The following SLC30A8 variants were observed in gnomAD, a reference collection of about 807,000 sequenced individuals.
SLC30A8 encodes the protein solute carrier family 30 member 8.
Under a neutral mutation model 36.9 loss-of-function variants are expected in SLC30A8, and 27 were observed. That is an observed-to-expected ratio of 0.73 (90% CI 0.54 to 1.01). The LOEUF (loss-of-function observed/expected upper bound fraction) is 1.01. Ranked by LOEUF, SLC30A8 falls within the 50% of genes least tolerant of loss-of-function variation. The pLI is 0.00. For missense variants in SLC30A8, 439 were observed against 452.0 expected (o/e 0.97, Z 0.26); for synonymous variants, 164 against 172.4 (o/e 0.95, Z 0.38).
chr8:116,965,240 TA>T (rs1336381635), intron 1 of SLC30A8, among the ~76,000 whole-genome samples: 2 of 152,110 alleles, frequency 1.3e-5, no homozygotes, highest in African/African-American at 2.4e-5. Flanking sequence ...GCCTGGCTGG[TA>T]GTACTTTTAT....
rs927975284 is a variant in SLC30A8 at position 116,972,114 on chromosome 8, C to T, written c.-266+20995C>T. 3.9e-5 allele frequency among the ~76,000 whole-genome samples: 6 copies of T among 152,292 alleles called. No homozygotes were observed. The South Asian group carries it at 1.2e-3, about 32-fold the overall frequency. On this transcript the variant is annotated intron_variant, in intron 1 of 10. Transcript: ENST00000427715. ...GTGGAAAAGAACCAGTTATGTAATA[C>T]CTTTGTTCAAAAATTTTTATTTTCT...
intron 1 of SLC30A8, among the ~76,000 whole-genome samples, chr8:117,022,085 A>G (rs951834251): frequency 9.2e-5 from 14 of 152,040 alleles, no homozygotes; most frequent in Admixed American, 9.2e-4. Flanking sequence ...CTGTAGTCCC[A>G]GCTACTCGGG....
chr8:116,997,919 GAA>G (rs1414290544), intron 1 of SLC30A8, among the ~76,000 whole-genome samples: 6 of 152,158 alleles, frequency 3.9e-5, no homozygotes, highest in African/African-American at 1.4e-4. Flanking sequence ...CAGGCACATG[GAA>G]ACAAAGCTAC....
chr8:117,042,901 C>T lies in SLC30A8; in HGVS notation c.-226+3643C>T, dbSNP rs192550689. On this transcript the variant is annotated intron_variant, in intron 2 of 10. Coordinates refer to the SLC30A8 transcript ENST00000427715. ...ATGTTGGGCAGGCCGGTCTCGAACT[C>T]CTGACCTCAGGTGATCCGCTGGCCT... 2.3e-4 allele frequency among the ~76,000 whole-genome samples: 35 copies of T among 152,324 alleles called. No homozygotes were observed. The East Asian group carries it at 6.8e-3, about 29-fold the overall frequency.
chr8:117,091,614 G>A (rs1001085652), intron 2 of SLC30A8, among the ~76,000 whole-genome samples: 18 of 152,118 alleles, frequency 1.2e-4, no homozygotes, highest in Admixed American at 6.5e-5. Context: ...CAATGGTCAG[G>A]ATCTTTGTTT....
chr8:117,004,291 A>G, intron 1 of SLC30A8, among the ~76,000 whole-genome samples: 1 of 152,260 alleles, frequency 6.6e-6, no homozygotes, highest in East Asian at 1.9e-4. Flanking sequence ...ATTGTAGAAT[A>G]AAGTTAGCCA....
intron 1 of SLC30A8, among the ~76,000 whole-genome samples, chr8:116,993,430 G>A (rs1200669528): frequency 6.6e-6 from 1 of 151,970 alleles, no homozygotes; most frequent in Non-Finnish European, 1.5e-5. Context: ...AGAAAACTGA[G>A]TTCACAGTGT....
At chr8:117,006,772 A>ATTTTT (rs71305456) in intron 1 of SLC30A8, among the ~76,000 whole-genome samples, 4 of 78,922 alleles carry the variant, frequency 5.1e-5, no homozygotes, top group African/African-American at 1.4e-4. Flanking sequence ...GAGTCAGGTA[A>ATTTTT]TTTTTTTTTT....
At chr8:117,082,519 A>G (rs182190599) in intron 2 of SLC30A8, among the ~76,000 whole-genome samples, 1 of 152,292 alleles carries the variant, frequency 6.6e-6, no homozygotes, top group East Asian at 1.9e-4. Flanking sequence ...GTGGTTAGAG[A>G]GAACAGTCTA....
At chr8:117,145,019 C>T (rs1406062714) in intron 1 of SLC30A8, among the ~76,000 whole-genome samples, 1 of 152,060 alleles carries the variant, frequency 6.6e-6, no homozygotes, top group Non-Finnish European at 1.5e-5. Flanking sequence ...AAAAGAAATA[C>T]ATAGTTTGAT....
intron 1 of SLC30A8, among the ~76,000 whole-genome samples, chr8:116,953,015 C>T (rs1437449471): frequency 6.7e-6 from 1 of 150,172 alleles, no homozygotes; most frequent in East Asian, 2.0e-4. Flanking sequence ...TCAATGCTTG[C>T]CTCCCTCCCT....
chr8:117,059,099 T>C lies in SLC30A8; in HGVS notation c.-226+19841T>C, dbSNP rs1397477240. On this transcript the variant is annotated intron_variant, in intron 2 of 10. Transcript: ENST00000427715. Reference sequence around the variant, plus strand: ...GTTATTTTTATATTGAAGTCACGTTTATGGGAGCCTTAATATCCAACAGCA... The same window carrying C: ...GTTATTTTTATATTGAAGTCACGTTCATGGGAGCCTTAATATCCAACAGCA... Among the ~76,000 whole-genome samples, 8 of 152,212 alleles carry C rather than the reference T, an allele frequency of 5.3e-5. No individual in the cohort carries two copies. The South Asian group carries it at 1.7e-3, about 31-fold the overall frequency.
At chr8:117,048,426 C>T (rs1817616398) in intron 2 of SLC30A8, among the ~76,000 whole-genome samples, 1 of 152,302 alleles carries the variant, frequency 6.6e-6, no homozygotes, top group East Asian at 1.9e-4. Context: ...TATTCTTATA[C>T]TCCCCTCGTA....
intron 2 of SLC30A8, among the ~76,000 whole-genome samples, chr8:117,082,858 A>G (rs1267860489): frequency 6.6e-6 from 1 of 152,172 alleles, no homozygotes; most frequent in African/African-American, 2.4e-5. Flanking sequence ...CAAGGACAAG[A>G]GCTCAGGAGA....
At chr8:116,959,951 G>T (rs1472434321) in intron 1 of SLC30A8, among the ~76,000 whole-genome samples, 1 of 152,110 alleles carries the variant, frequency 6.6e-6, no homozygotes, top group Non-Finnish European at 1.5e-5. Flanking sequence ...GCAATCTTTA[G>T]CTTCGTTGGT....
intron 1 of SLC30A8, among the ~76,000 whole-genome samples, chr8:116,989,667 A>C (rs773606035): frequency 6.6e-6 from 1 of 152,254 alleles, no homozygotes; most frequent in Non-Finnish European, 1.5e-5. Flanking sequence ...GAATGTGGAT[A>C]TATCAGAAGG....
intron 1 of SLC30A8, among the ~76,000 whole-genome samples, chr8:116,957,994 A>G (rs1814276321): frequency 6.6e-6 from 1 of 152,152 alleles, no homozygotes; most frequent in South Asian, 2.1e-4. Flanking sequence ...GCCTCGTGTC[A>G]GGGAATCATC....
intron 1 of SLC30A8, among the ~76,000 whole-genome samples, chr8:116,996,695 C>T (rs930812982): frequency 4.6e-5 from 7 of 152,036 alleles, no homozygotes; most frequent in East Asian, 1.9e-4. Flanking sequence ...AGGCAAACCC[C>T]GTGTATGCTG....
chr8:117,146,012 A>G (rs1821878816), intron 1 of SLC30A8, among the ~76,000 whole-genome samples: 1 of 152,126 alleles, frequency 6.6e-6, no homozygotes, highest in Non-Finnish European at 1.5e-5. Flanking sequence ...AATGGGTACA[A>G]ATGTATGATT....
Sources: allele counts gnomAD v4.1 joint callset (sites outside exome capture counted in the v4.1 genomes callset), GRCh38; gene constraint gnomAD v4.1.1; transcripts MANE v1.5; gene names NCBI Gene and HGNC (gene_info 2026-07-23, HGNC 2026-07-21).